The following NMRK2 variants were observed in gnomAD, a reference collection of about 807,000 sequenced individuals.
NMRK2 encodes nicotinamide riboside kinase 2.
A neutral mutation model predicts 24.7 loss-of-function variants in NMRK2; 34 were observed. The ratio of observed to expected loss-of-function variants is 1.37; its 90% CI spans 1.05 to 1.83. The LOEUF is 1.83. Ranked by LOEUF, NMRK2 falls within the 40% of genes most tolerant of loss-of-function variation. The probability of loss-of-function intolerance (pLI) is 0.00; values close to 1 mark genes in which losing one functional copy is unlikely to be tolerated. For synonymous variants in NMRK2, 145 were observed against 125.6 expected, an observed-to-expected ratio of 1.15 and a Z score of -1.03; for missense variants, 341 against 315.0, an observed-to-expected ratio of 1.08 and a Z score of -0.62.
chr19:3,934,696 C>G (rs935243157), intron 2 of NMRK2, among the ~76,000 whole-genome samples: 1 of 151,904 alleles, frequency 6.6e-6, no homozygotes, highest in Non-Finnish European at 1.5e-5. Flanking sequence ...ATTCTCCTGC[C>G]TCAGCCTCCC....
In NMRK2 at chr19:3,937,297, A is replaced by G; in HGVS notation, c.166+9A>G. ...CTTCAAACAGTGGGACGGTAAGGAC[A>G]AGCATCACCTCCAAGCCCCACTATC... On this transcript the variant is annotated intron_variant, in intron 4 of 7. Coordinates refer to ENST00000168977, the MANE Select transcript of NMRK2 (RefSeq NM_170678.3). The G allele has an allele frequency of 6.2e-7, 1 of 1,612,686 alleles. No homozygotes were observed. Among genetic ancestry groups the G allele is most frequent in the Non-Finnish European group, 8.5e-7 (1 of 1,179,096 alleles).
At chr19:3,935,809 G>A (rs1246566755) in intron 2 of NMRK2, among the ~76,000 whole-genome samples, 2 of 152,004 alleles carry the variant, frequency 1.3e-5, no homozygotes, top group East Asian at 2.0e-4. Flanking sequence ...GAGCTCAAGC[G>A]ATCCACCTGC....
chr19:3,938,585 C>G lies in NMRK2; in HGVS notation c.167-18C>G, dbSNP rs369358142. ...CCCAGGGTCTGCCCTCCTGCAATGC[C>G]TGCTCCCCTTTCCCCAGTGCTGGAG... On this transcript the variant is annotated intron_variant, in intron 4 of 7. Coordinates refer to ENST00000168977, the MANE Select transcript of NMRK2 (RefSeq NM_170678.3). 1.3e-6 allele frequency: 2 copies of G among 1,547,362 alleles called. No individual in the cohort carries two copies. Among genetic ancestry groups the G allele is most frequent in the African/African-American group, 2.8e-5 (2 of 72,694 alleles).
At chr19:3,938,559 C>T in intron 4 of NMRK2, 44 bp from the exon 5 acceptor site, 2 of 1,502,090 alleles carry the variant, frequency 1.3e-6, no homozygotes, top group Non-Finnish European at 1.8e-6. Flanking sequence ...GTCCACTATC[C>T]CCCAGGGTCT....
chr19:3,936,533 G>A, intron 2 of NMRK2, 42 bp from the exon 3 acceptor site: 1 of 1,454,158 alleles, frequency 6.9e-7, no homozygotes, highest in South Asian at 1.3e-5. Flanking sequence ...TGACCTTCTT[G>A]GGGGGAGCCC....
chr19:3,938,593 C>A lies in NMRK2; in HGVS notation c.167-10C>A. 1.3e-6 allele frequency: 2 copies of A among 1,556,252 alleles called. No individual in the cohort carries two copies. The highest frequency in any genetic ancestry group is 1.9e-5 in the Admixed American group (1 of 53,524). On this transcript the variant is annotated splice_polypyrimidine_tract_variant and intron_variant, in intron 4 of 7. Coordinates refer to ENST00000168977, the MANE Select transcript of NMRK2 (RefSeq NM_170678.3). ...CTGCCCTCCTGCAATGCCTGCTCCC[C>A]TTTCCCCAGTGCTGGAGTCTCTGGA...
chr19:3,934,664 C>G (rs886125291), intron 2 of NMRK2, among the ~76,000 whole-genome samples: 7 of 151,040 alleles, frequency 4.6e-5, no homozygotes, highest in African/African-American at 1.7e-4. Context: ...TCACTGCAAG[C>G]TCCGCCTCCC....
chr19:3,942,360 A>T lies in NMRK2; in HGVS notation c.*87A>T. On this transcript the variant is annotated 3_prime_UTR_variant, in exon 8 of 8. Coordinates refer to ENST00000168977, the MANE Select transcript of NMRK2 (RefSeq NM_170678.3). ...CCCGGAGCTCAGGGACTGAGCCCCA[A>T]GACGCCTCTGTAACCTCGCTGCAGC... 1 of 1,274,058 alleles carries T rather than the reference A, an allele frequency of 7.8e-7. No individual in the cohort carries two copies. The highest frequency in any genetic ancestry group is 1.1e-6 in the Non-Finnish European group (1 of 928,626). The allele number at this position is 1,274,058 out of a possible 1,614,324, so 78.9% of individuals were successfully genotyped here. A position where few individuals can be genotyped will look rare whatever the true frequency, so the allele number is the denominator to read the frequency against.
rs761708994 is a variant in NMRK2, at chr19:3,938,616, G to A, written c.180G>A (p.Leu60=). 1 of 1,590,554 alleles carries A rather than the reference G, an allele frequency of 6.3e-7. No individual in the cohort carries two copies. The highest frequency in any genetic ancestry group is 8.6e-7 in the Non-Finnish European group (1 of 1,165,748). ...CCCTTTCCCCAGTGCTGGAGTCTCT[G>A]GACATGGAGGCCATGCTGGACACCG... ...GFKQWDVLES[L]DMEAMLDTVQ... is the part of the protein sequence containing the mutation. The change falls in exon 5 of 8, where the codon CTG becomes CTA. Residue 60 remains leucine (L), a synonymous_variant. Coordinates refer to ENST00000168977, the MANE Select transcript of NMRK2 (RefSeq NM_170678.3).
intron 2 of NMRK2, among the ~76,000 whole-genome samples, chr19:3,936,177 C>A (rs1401358117): frequency 1.4e-5 from 2 of 140,618 alleles, no homozygotes; most frequent in Non-Finnish European, 3.1e-5. Context: ...CGCCATTGTA[C>A]TCCAGCCTGG....
chr19:3,934,395 G>A (rs2039175051), intron 2 of NMRK2, among the ~76,000 whole-genome samples: 1 of 152,122 alleles, frequency 6.6e-6, no homozygotes. Flanking sequence ...TGTGCCTTTG[G>A]AGCCTCTCTC....
At chr19:3,939,103 A>C (rs148381382) in intron 5 of NMRK2, among the ~76,000 whole-genome samples, 7,311 of 150,618 alleles carry the variant, frequency 0.049, 587 homozygotes, top group African/African-American at 0.17. Flanking sequence ...CCCGCCTCGG[A>C]CTCCCAAAGT....
At position 3,936,582 on chromosome 19, in the gene NMRK2, A is replaced by C; in HGVS notation, c.34A>C (p.Asn12His). Residue 12 changes from asparagine to histidine, a missense_variant, in exon 3 of 8, where the codon AAC becomes CAC. By Grantham distance (68) the Asn-to-His change is moderately conservative. Coordinates refer to ENST00000168977, the MANE Select transcript of NMRK2 (RefSeq NM_170678.3). Reference protein sequence around the residue: ...KLIVGIGGMTNGGKTTLTNSL... With the variant: ...KLIVGIGGMTHGGKTTLTNSL... ...CACACGCTGTCTCCCCAGCATGACC[A>C]ACGGCGGCAAGACCACGCTGACCAA... 1.3e-6 allele frequency: 2 copies of C among 1,556,792 alleles called. No homozygotes were observed. The highest frequency in any genetic ancestry group is 1.7e-6 in the Non-Finnish European group (2 of 1,152,550).
chr19:3,940,026 C>A, intron 6 of NMRK2, 55 bp downstream of exon 6: 1 of 1,500,344 alleles, frequency 6.7e-7, no homozygotes, highest in Non-Finnish European at 9.2e-7. Context: ...TCTTGAATTA[C>A]TGGGTGGAAC....
At chr19:3,940,439 G>C (rs898996728) in intron 6 of NMRK2, among the ~76,000 whole-genome samples, 11 of 150,728 alleles carry the variant, frequency 7.3e-5, no homozygotes, top group African/African-American at 2.7e-4. Context: ...GTCAGTTCGA[G>C]ACCAGCCTGG....
chr19:3,942,054 C>A lies in NMRK2; in HGVS notation c.503-29C>A, dbSNP rs758113563. The A allele has an allele frequency of 5.6e-6, 9 of 1,601,328 alleles. No individual in the cohort carries two copies. The Admixed American group carries it at 1.3e-4, about 24-fold the overall frequency. ...CGTGCTCTGGCCCCCTTCCTCCCGG[C>A]AGCCCTGACGCAGCCTTTCTGATTT... On this transcript the variant is annotated intron_variant, in intron 7 of 7. Transcript: ENST00000168977.
chr19:3,941,078 A>G lies in NMRK2; in HGVS notation c.403A>G (p.Asn135Asp), dbSNP rs2039323179. ...EECKWRRSTR[N>D]YTVPDPPGLF... The stretch of plus-strand genomic sequence containing the variant: ...TGCCTTCTCCCTCTGCAGTACCCGC[A>G]ACTACACAGTCCCTGATCCCCCCGG... Residue 135 changes from asparagine (N) to aspartate (D), a missense_variant, in exon 7 of 8, where the codon AAC (asparagine) becomes GAC (aspartate). Coordinates refer to ENST00000168977, the MANE Select transcript of NMRK2 (RefSeq NM_170678.3). 1.9e-6 allele frequency: 3 copies of G among 1,612,100 alleles called. No homozygotes were observed. The highest frequency in any genetic ancestry group is 2.7e-5 in the African/African-American group (2 of 74,960).
At chr19:3,934,896 G>A (rs1052386587) in intron 2 of NMRK2, among the ~76,000 whole-genome samples, 3 of 151,774 alleles carry the variant, frequency 2.0e-5, no homozygotes, top group South Asian at 2.1e-4. Context: ...AATATTTTTC[G>A]AGTAAGAAGC....
chr19:3,936,024 G>A (rs1418620753), intron 2 of NMRK2, among the ~76,000 whole-genome samples: 3 of 152,030 alleles, frequency 2.0e-5, no homozygotes, highest in African/African-American at 7.2e-5. Context: ...CAGCCTGGCC[G>A]ACATGGCAAA....
Sources: allele counts gnomAD v4.1 joint callset (sites outside exome capture counted in the v4.1 genomes callset), GRCh38; gene constraint gnomAD v4.1.1; transcripts MANE v1.5; gene names NCBI Gene and HGNC (gene_info 2026-07-23, HGNC 2026-07-21).